The following ANKRD33B variants were observed in gnomAD, a reference collection of about 807,000 sequenced individuals.
ANKRD33B encodes the protein ankyrin repeat domain 33B.
A neutral mutation model predicts 21.5 loss-of-function variants in ANKRD33B; 6 were observed. The ratio of observed to expected loss-of-function variants is 0.28; its 90% CI spans 0.15 to 0.55. ANKRD33B has a LOEUF of 0.55. Ranked by LOEUF, ANKRD33B falls within the 20% of genes least tolerant of loss-of-function variation. The probability of loss-of-function intolerance (pLI) is 0.94; values close to 1 mark genes in which losing one functional copy is unlikely to be tolerated. For synonymous variants in ANKRD33B, 347 were observed against 342.4 expected, an observed-to-expected ratio of 1.01 and a Z score of -0.15; for missense variants, 698 against 747.2, an observed-to-expected ratio of 0.93 and a Z score of 0.77.
intron 1 of ANKRD33B, among the ~76,000 whole-genome samples, chr5:10,571,970 C>G (rs1209513132): frequency 6.6e-6 from 1 of 151,042 alleles, no homozygotes; most frequent in Non-Finnish European, 1.5e-5. Flanking sequence ...CTCACTGCAA[C>G]CTCTGCCTCC....
intron 1 of ANKRD33B, among the ~76,000 whole-genome samples, chr5:10,574,586 A>G (rs1433264931): frequency 1.3e-5 from 2 of 152,236 alleles, no homozygotes; most frequent in African/African-American, 4.8e-5. Context: ...ATCAAATGAA[A>G]AGCAGAAATT....
rs1238224438 is a variant in ANKRD33B at position 10,564,569 on chromosome 5, C to A, written c.102C>A (p.Pro34=). The A allele has an allele frequency of 1.4e-5, 22 of 1,534,312 alleles. No homozygotes were observed. Among genetic ancestry groups the A allele is most frequent in the Non-Finnish European group, 1.8e-5 (21 of 1,146,514 alleles). ...PPRGAQVEED[P]ADYEEFEDFS... The stretch of plus-strand genomic sequence containing the variant: ...GGGGCGCGCAGGTCGAGGAGGACCC[C>A]GCTGACTACGAAGAGTTTGAGGACT... The change falls in exon 1 of 4, where the codon CCC becomes CCA. Residue 34 remains proline, a synonymous_variant. Coordinates refer to ENST00000296657, the MANE Select transcript of ANKRD33B (RefSeq NM_001164440.2).
chr5:10,582,074 G>A (rs1221468223), intron 1 of ANKRD33B, among the ~76,000 whole-genome samples: 1 of 152,164 alleles, frequency 6.6e-6, no homozygotes, highest in Non-Finnish European at 1.5e-5. Context: ...AGCCTCATGT[G>A]CAGAGTTCCT....
Position 10,619,491 on chromosome 5 carries a change from G to A in ANKRD33B, c.496+1029G>A. The stretch of plus-strand genomic sequence containing the variant: ...AAGCCACCCTGGGTGGATCTGATGG[G>A]TGGGGGGCCAGGGAGGCTGGAAAAC... On this transcript the variant is annotated intron_variant, in intron 2 of 3. Transcript: ENST00000296657. The surrounding 1 kb of genome is among the most constrained non-coding windows in gnomAD (Gnocchi z 4.5). 1 of 593,530 alleles carries A rather than the reference G, an allele frequency of 1.7e-6. No homozygotes were observed. The highest frequency in any genetic ancestry group is 1.4e-4 in the East Asian group (1 of 7,052). The allele number at this position is 593,530 out of a possible 1,614,324, so 36.8% of individuals were successfully genotyped here. A position where few individuals can be genotyped will look rare whatever the true frequency, so the allele number is the denominator to read the frequency against.
chr5:10,636,174 AGG>A (rs547048710), intron 2 of ANKRD33B, among the ~76,000 whole-genome samples: 571 of 52,110 alleles, frequency 0.011, 5 homozygotes, highest in African/African-American at 0.032. Flanking sequence ...TCCTGGGGGG[AGG>A]GAGGTGATGC....
intron 1 of ANKRD33B, among the ~76,000 whole-genome samples, chr5:10,603,162 G>A (rs545042510): frequency 2.6e-5 from 4 of 152,056 alleles, no homozygotes; most frequent in Admixed American, 2.6e-4. Flanking sequence ...AGGATGGGAG[G>A]CAGCTTTCTG....
chr5:10,604,510 GAAAA>G (rs555653693), intron 1 of ANKRD33B, among the ~76,000 whole-genome samples: 2 of 101,958 alleles, frequency 2.0e-5, no homozygotes, highest in Non-Finnish European at 4.1e-5. Context: ...GAACCTTTTT[GAAAA>G]AAAAAAAAAA....
chr5:10,581,181 C>T (rs1735436582), intron 1 of ANKRD33B, among the ~76,000 whole-genome samples: 1 of 152,226 alleles, frequency 6.6e-6, no homozygotes, highest in Admixed American at 6.5e-5. Flanking sequence ...TTCCCCATCC[C>T]AGCCACTGAG....
intron 2 of ANKRD33B, among the ~76,000 whole-genome samples, chr5:10,634,186 G>A (rs1736801012): frequency 6.6e-6 from 1 of 152,218 alleles, no homozygotes; most frequent in South Asian, 2.1e-4. Context: ...CTGAGTGGCA[G>A]GCCTGGGCCT....
chr5:10,618,298 T>C (rs1241761296), intron 1 of ANKRD33B, 35 bp from the exon 2 acceptor site: 10 of 1,535,958 alleles, frequency 6.5e-6, no homozygotes, highest in Non-Finnish European at 8.7e-6. Context: ...GCTCCGACTC[T>C]GCCCCTCTGA....
intron 1 of ANKRD33B, among the ~76,000 whole-genome samples, chr5:10,569,595 T>G (rs1735130885): frequency 1.8e-5 from 1 of 55,944 alleles, no homozygotes; most frequent in Admixed American, 1.9e-4. Context: ...GACCCGTGTT[T>G]GAAAATAAAT....
chr5:10,657,293 G>A lies in ANKRD33B; in HGVS notation c.*7180G>A, dbSNP rs1737513152. On this transcript the variant is annotated 3_prime_UTR_variant, in exon 4 of 4. Transcript: ENST00000296657. ...TTCTCTTTGTTCTGCCCGACATTTG[G>A]GGGTGTCCAAGGACCTGTGTTTTTA... 6.6e-6 allele frequency: 1 copy of A among 152,358 alleles called. No individual in the cohort carries two copies. The highest frequency in any genetic ancestry group is 2.4e-5 in the African/African-American group (1 of 41,454). 9.4% of individuals were successfully genotyped at this position (152,358 alleles called of 1,614,324 possible).
chr5:10,564,642 T>C lies in ANKRD33B; in HGVS notation c.175T>C (p.Tyr59His), dbSNP rs1735005546. ...TRSIASDDSFYPFEDEEEHGV... is the reference protein window; with the variant it reads ...TRSIASDDSFHPFEDEEEHGV... ...CAGCATCGCCTCGGACGACTCTTTC[T>C]ACCCTTTCGAGGACGAGGAGGAGCA... is the stretch of plus-strand genomic sequence containing the variant. Residue 59 changes from tyrosine to histidine, a missense_variant, in exon 1 of 4, where the codon TAC becomes CAC. Tyr to His is a moderately conservative substitution (Grantham distance 83). Transcript: ENST00000296657. 6.5e-7 allele frequency: 1 copy of C among 1,535,062 alleles called. No individual in the cohort carries two copies. The highest frequency in any genetic ancestry group is 8.7e-7 in the Non-Finnish European group (1 of 1,146,646).
chr5:10,629,351 C>T (rs866225669), intron 2 of ANKRD33B, among the ~76,000 whole-genome samples: 4 of 152,114 alleles, frequency 2.6e-5, no homozygotes, highest in Non-Finnish European at 4.4e-5. Flanking sequence ...CTCAAATTCC[C>T]GTGCTCAAGT....
intron 2 of ANKRD33B, chr5:10,624,762 C>T (rs1253717214): frequency 1.1e-5 from 5 of 456,656 alleles, no homozygotes; most frequent in Non-Finnish European, 1.8e-5. Context: ...TTTCCTTAGA[C>T]ACTGGCTCCC....
In ANKRD33B at chr5:10,619,494, G is replaced by A. The variant is rs551068619; in HGVS notation, c.496+1032G>A. On this transcript the variant is annotated intron_variant, in intron 2 of 3. Transcript: ENST00000296657. The surrounding 1 kb of genome is among the most constrained non-coding windows in gnomAD (Gnocchi z 4.5). ...CCACCCTGGGTGGATCTGATGGGTGGGGGGCCAGGGAGGCTGGAAAACCAG... is the reference window on the plus strand; with the variant it reads ...CCACCCTGGGTGGATCTGATGGGTGAGGGGCCAGGGAGGCTGGAAAACCAG... The A allele has an allele frequency of 2.7e-4, 151 of 552,582 alleles. 1 individual carries two copies. The highest frequency in any genetic ancestry group is 5.1e-4 in the Admixed American group (8 of 15,776). The allele number at this position is 552,582 out of a possible 1,614,324, so 34.2% of individuals were successfully genotyped here. A position where few individuals can be genotyped will look rare whatever the true frequency, so the allele number is the denominator to read the frequency against.
rs567142706 is a variant in ANKRD33B at position 10,590,606 on chromosome 5, G to A, written c.366+25773G>A. ...TTTTGAGATGCGCGCGCGCGCGCGC[G>A]CGTGTGTGTGTGTGTGTGTGTTTTC... is the stretch of plus-strand genomic sequence containing the variant. On this transcript the variant is annotated intron_variant, in intron 1 of 3. Coordinates refer to ENST00000296657, the MANE Select transcript of ANKRD33B (RefSeq NM_001164440.2). Among the ~76,000 whole-genome samples the A allele has an allele frequency of 1.1e-4, 11 of 99,376 alleles. No individual in the cohort carries two copies. The South Asian group carries it at 2.2e-3, about 20-fold the overall frequency. 65.2% of individuals were successfully genotyped at this position (99,376 alleles called of 152,430 possible).
chr5:10,637,496 G>C (rs1363829840), intron 2 of ANKRD33B, among the ~76,000 whole-genome samples: 1 of 146,112 alleles, frequency 6.8e-6, no homozygotes, highest in Non-Finnish European at 1.5e-5. Context: ...GTGGGTAAGG[G>C]TGGAGAGAGA....
rs1204350388 is a variant in ANKRD33B, at chr5:10,638,109, C to T, written c.578C>T (p.Ala193Val). 4 of 1,537,400 alleles carry T rather than the reference C, an allele frequency of 2.6e-6. No individual in the cohort carries two copies. The highest frequency in any genetic ancestry group is 3.5e-6 in the Non-Finnish European group (4 of 1,146,966). Residue 193 changes from alanine (A) to valine (V), a missense_variant, in exon 3 of 4, where the codon GCC becomes GTC. Ala to Val is a moderately conservative substitution (Grantham distance 64). Around this residue, in one of 3 missense-constraint regions of ANKRD33B, gnomAD observed 543 missense variants for 566.5 expected, o/e 0.96. Transcript: ENST00000296657. The part of the protein sequence containing the change: ...LERRNAFGFT[A>V]LMKAAMQGRT... ...AGGAGGAACGCGTTCGGGTTCACCGCCCTGATGAAAGCCGCCATGCAGGGT... is the reference window on the plus strand; with the variant it reads ...AGGAGGAACGCGTTCGGGTTCACCGTCCTGATGAAAGCCGCCATGCAGGGT...
Sources: gnomAD v4.1 joint callset for allele counts (sites outside exome capture counted in the v4.1 genomes callset) on GRCh38, gnomAD v4.1.1 for gene constraint, gnomAD v4.1.1 regional missense constraint, Gnocchi (gnomAD v3.1) non-coding constraint, MANE v1.5 for transcripts, NCBI Gene and HGNC (gene_info 2026-07-23, HGNC 2026-07-21) for gene names.